Variants in CACNA1E observed in about 807,000 individuals in gnomAD.
CACNA1E encodes the protein voltage-dependent R-type calcium channel subunit alpha-1E.
A neutral mutation model predicts 259.2 loss-of-function variants in CACNA1E; 40 were observed. The ratio of observed to expected loss-of-function variants is 0.15; its 90% CI spans 0.12 to 0.20. The LOEUF (loss-of-function observed/expected upper bound fraction) is 0.20. CACNA1E is among the 10% of genes least tolerant of loss of function. The probability of loss-of-function intolerance (pLI) is 1.00; values close to 1 mark genes in which losing one functional copy is unlikely to be tolerated. For synonymous variants in CACNA1E, 1,104 were observed against 1,138.5 expected (o/e 0.97, Z 0.61); for missense variants, 1,874 against 3,040.1 (o/e 0.62, Z 9.02).
At chr1:181,646,133 C>T (rs4369194) in intron 6 of CACNA1E, among the ~76,000 whole-genome samples, 4,144 of 152,320 alleles carry the variant, frequency 0.027, 158 homozygotes, top group African/African-American at 0.093. Context: ...GGCTTTTTTG[C>T]TAGCCTATGT....
chr1:181,713,440 T>A (rs933712912), intron 8 of CACNA1E, among the ~76,000 whole-genome samples: 1 of 152,206 alleles, frequency 6.6e-6, no homozygotes, highest in African/African-American at 2.4e-5. Flanking sequence ...ATTTAGCGTT[T>A]TGCCAGAGGC....
chr1:181,592,944 G>C (rs1244723646), intron 6 of CACNA1E, among the ~76,000 whole-genome samples: 1 of 152,042 alleles, frequency 6.6e-6, no homozygotes, highest in Non-Finnish European at 1.5e-5. Flanking sequence ...TGGGGATAGG[G>C]GAACAGTCAC....
intron 1 of CACNA1E, among the ~76,000 whole-genome samples, chr1:181,412,088 G>C (rs1246652538): frequency 6.6e-6 from 1 of 152,268 alleles, no homozygotes; most frequent in Non-Finnish European, 1.5e-5. Context: ...TAAGTTCTCA[G>C]TCAACGCTGA....
chr1:181,351,954 A>T (rs1246112999), intron 1 of CACNA1E, among the ~76,000 whole-genome samples: 1 of 152,202 alleles, frequency 6.6e-6, no homozygotes, highest in South Asian at 2.1e-4. Flanking sequence ...ATGAGATGAT[A>T]AAAGGAAGAG....
At chr1:181,510,096 G>C (rs558586640) in intron 1 of CACNA1E, among the ~76,000 whole-genome samples, 1 of 152,322 alleles carries the variant, frequency 6.6e-6, no homozygotes, top group East Asian at 1.9e-4. Flanking sequence ...CAAGGGGTCT[G>C]CGATGGCATT....
intron 4 of CACNA1E, 147 bp downstream of exon 4, chr1:181,578,016 T>C (rs556647991): frequency 2.1e-6 from 1 of 476,252 alleles, no homozygotes; most frequent in African/African-American, 2.0e-5. Flanking sequence ...GATGGAGCAA[T>C]CTGGTGTAAC....
At chr1:181,590,412 A>ATATATATATATATAT (rs1423754228) in intron 6 of CACNA1E, among the ~76,000 whole-genome samples, 83 of 121,592 alleles carry the variant, frequency 6.8e-4, no homozygotes, top group African/African-American at 2.6e-3. Flanking sequence ...AAAAAAAAAA[A>ATATATATATATATAT]AAAAATATAT....
At chr1:181,629,028 T>C (rs1440460425) in intron 6 of CACNA1E, among the ~76,000 whole-genome samples, 1 of 152,022 alleles carries the variant, frequency 6.6e-6, no homozygotes. Context: ...CCGTAGGAAA[T>C]GGTAAATGCA....
chr1:181,630,460 C>T (rs1339445793), intron 6 of CACNA1E, among the ~76,000 whole-genome samples: 1 of 150,774 alleles, frequency 6.6e-6, no homozygotes, highest in Non-Finnish European at 1.5e-5. Flanking sequence ...AAACATTTGT[C>T]AATTACTTCA....
intron 3 of CACNA1E, among the ~76,000 whole-genome samples, chr1:181,557,974 A>G (rs1648913926): frequency 6.6e-6 from 1 of 152,230 alleles, no homozygotes; most frequent in Non-Finnish European, 1.5e-5. Context: ...GTGCTACCTT[A>G]GAAGAGCAAA....
chr1:181,796,008 C>CT (rs1661775851), intron 46 of CACNA1E, among the ~76,000 whole-genome samples: 2 of 151,918 alleles, frequency 1.3e-5, no homozygotes, highest in African/African-American at 4.8e-5. Flanking sequence ...ACCTTCCCCC[C>CT]AAAAAGTTAT....
chr1:181,686,436 G>A (rs145462907), intron 7 of CACNA1E, among the ~76,000 whole-genome samples: 1,751 of 151,786 alleles, frequency 0.012, 27 homozygotes, highest in African/African-American at 0.039. Context: ...ACAGGCATGC[G>A]CCACCATGCC....
At chr1:181,443,505 C>T (rs1021914694) in intron 2 of CACNA1E, among the ~76,000 whole-genome samples, 2 of 152,162 alleles carry the variant, frequency 1.3e-5, no homozygotes, top group African/African-American at 4.8e-5. Flanking sequence ...GCCTGGTATT[C>T]TAAAACAAAG....
intron 3 of CACNA1E, among the ~76,000 whole-genome samples, chr1:181,513,046 A>G (rs1666281058): frequency 1.3e-5 from 2 of 152,358 alleles, no homozygotes; most frequent in South Asian, 4.1e-4. Flanking sequence ...CAACAAAAAA[A>G]GAAAAGTATT....
chr1:181,688,091 A>C (rs1034175661), intron 7 of CACNA1E, among the ~76,000 whole-genome samples: 5 of 152,184 alleles, frequency 3.3e-5, no homozygotes, highest in African/African-American at 1.2e-4. Flanking sequence ...ACAAATGAAA[A>C]TGAAATGAGT....
chr1:181,364,277 A>G (rs1654101442), intron 1 of CACNA1E, among the ~76,000 whole-genome samples: 1 of 152,108 alleles, frequency 6.6e-6, no homozygotes, highest in Admixed American at 6.5e-5. Flanking sequence ...AGCTTTTTCC[A>G]TAGTGCTGGT....
intron 1 of CACNA1E, among the ~76,000 whole-genome samples, chr1:181,373,421 A>G (rs1364346079): frequency 6.6e-6 from 1 of 152,052 alleles, no homozygotes; most frequent in Non-Finnish European, 1.5e-5. Context: ...TTTTATAAGT[A>G]GAATTATTCA....
At chr1:181,378,615 T>C (rs1655255722) in intron 1 of CACNA1E, among the ~76,000 whole-genome samples, 1 of 152,206 alleles carries the variant, frequency 6.6e-6, no homozygotes, top group Non-Finnish European at 1.5e-5. Context: ...AGTGCATGTA[T>C]GTGAGGAAAC....
At chr1:181,556,648 T>A (rs1358876127) in intron 3 of CACNA1E, among the ~76,000 whole-genome samples, 1 of 152,204 alleles carries the variant, frequency 6.6e-6, no homozygotes, top group Non-Finnish European at 1.5e-5. Flanking sequence ...GATCTCCTTC[T>A]TATATTGCAT....
Sources: allele counts gnomAD v4.1 joint callset (sites outside exome capture counted in the v4.1 genomes callset), GRCh38; gene constraint gnomAD v4.1.1; transcripts MANE v1.5; gene names NCBI Gene and HGNC (gene_info 2026-07-23, HGNC 2026-07-21).